STX18: variants seen among roughly 807,000 people sequenced by gnomAD.
The protein encoded by STX18 is syntaxin 18, also known as syntaxin-18.
A neutral mutation model predicts 50.1 loss-of-function variants in STX18; 40 were observed. The observed-to-expected ratio is 0.80, with a 90% confidence interval of 0.62 to 1.04. The LOEUF is 1.04. Among genes scored for constraint, STX18 ranks in the 50% least tolerant of loss-of-function variants. The probability of loss-of-function intolerance (pLI) is 0.00; values close to 1 mark genes in which losing one functional copy is unlikely to be tolerated. For missense variants in STX18, 410 were observed against 415.8 expected, an observed-to-expected ratio of 0.99 and a Z score of 0.12; for synonymous variants, 158 against 151.8, an observed-to-expected ratio of 1.04 and a Z score of -0.30.
intron 5 of STX18, among the ~76,000 whole-genome samples, chr4:4,453,418 C>T (rs1726871334): frequency 6.6e-6 from 1 of 152,202 alleles, no homozygotes; most frequent in Non-Finnish European, 1.5e-5. Context: ...AAAAAGATTA[C>T]AACTCACCTA....
At chr4:4,493,865 G>T (rs1451663306) in intron 1 of STX18, among the ~76,000 whole-genome samples, 1 of 152,202 alleles carries the variant, frequency 6.6e-6, no homozygotes, top group African/African-American at 2.4e-5. Flanking sequence ...AAGAAATTAT[G>T]AAGATACAAC....
At chr4:4,447,843 C>CATT (rs995351935) in intron 5 of STX18, among the ~76,000 whole-genome samples, 4 of 152,154 alleles carry the variant, frequency 2.6e-5, no homozygotes, top group Non-Finnish European at 4.4e-5. Flanking sequence ...AAGCAATATA[C>CATT]ATTTTTTTCC....
At chr4:4,489,554 A>G (rs930894568) in intron 1 of STX18, among the ~76,000 whole-genome samples, 1 of 151,524 alleles carries the variant, frequency 6.6e-6, no homozygotes, top group Non-Finnish European at 1.5e-5. Flanking sequence ...CCGGCCAGAA[A>G]ATATTATTTC....
chr4:4,447,514 C>T lies in STX18; in HGVS notation c.498-9005G>A, dbSNP rs376191839. 1.3e-4 allele frequency among the ~76,000 whole-genome samples: 19 copies of T among 140,900 alleles called. 1 individual carries two copies. In the South Asian group the frequency reaches 1.8e-3, roughly 13 times the overall value. 92.4% of individuals were successfully genotyped at this position (140,900 alleles called of 152,430 possible). On this transcript the variant is annotated intron_variant, in intron 5 of 10. Transcript: ENST00000306200. ...GCTGAGGCAGGAGAATGGCGTGAAC[C>T]CGGGAGGCGGAGCTTGCAGTGAGCC...
chr4:4,533,745 G>A (rs116483046), intron 1 of STX18, among the ~76,000 whole-genome samples: 358 of 152,326 alleles, frequency 2.4e-3, no homozygotes, highest in Middle Eastern at 0.014. Context: ...ACACTGAGAA[G>A]ACGTGTTTCT....
intron 1 of STX18, among the ~76,000 whole-genome samples, chr4:4,497,703 C>T (rs1454863953): frequency 6.6e-6 from 1 of 152,194 alleles, no homozygotes; most frequent in East Asian, 1.9e-4. Flanking sequence ...TAATCTGTCT[C>T]TAGAATCTTT....
chr4:4,476,917 G>A (rs900282109), intron 1 of STX18, among the ~76,000 whole-genome samples: 2 of 151,936 alleles, frequency 1.3e-5, no homozygotes, highest in Admixed American at 1.3e-4. Context: ...AAAAAATCTC[G>A]GGGCTTGGGC....
intron 1 of STX18, among the ~76,000 whole-genome samples, chr4:4,505,840 CTT>C (rs1470414231): frequency 5.3e-5 from 8 of 152,220 alleles, no homozygotes; most frequent in Admixed American, 3.9e-4. Context: ...ATGCTTATCA[CTT>C]TTGCAGCACT....
At chr4:4,538,067 TC>T (rs1731421199) in intron 1 of STX18, among the ~76,000 whole-genome samples, 1 of 150,876 alleles carries the variant, frequency 6.6e-6, no homozygotes, top group Non-Finnish European at 1.5e-5. Context: ...AGTTTTCTTA[TC>T]TATTAACAAA....
chr4:4,464,902 G>GTTTTTTT (rs201963387), intron 2 of STX18, among the ~76,000 whole-genome samples: 2 of 144,236 alleles, frequency 1.4e-5, no homozygotes, highest in South Asian at 4.4e-4. Context: ...TTTTCGAAGC[G>GTTTTTTT]TTTTTTTTTT....
rs1343665959 is a variant in STX18 at position 4,443,097 on chromosome 4, C to T, written c.498-4588G>A. Among the ~76,000 whole-genome samples the T allele has an allele frequency of 5.3e-5, 8 of 152,178 alleles. No individual in the cohort carries two copies. The East Asian group carries it at 1.5e-3, about 29-fold the overall frequency. On this transcript the variant is annotated intron_variant, in intron 5 of 10. Transcript: ENST00000306200. ...GGTGAGAGTACCAAACAGTGTGACT[C>T]CTATGGAGGGGACCTTGGTAATATC...
At position 4,420,082 on chromosome 4, in the gene STX18, G is replaced by C; in HGVS notation, c.960C>G (p.Leu320=). ...AGFRVWILFF[L]VMCSFSLLFL... ...AGAGCAAGGAGAAGGAGCACATCAC[G>C]AGGAAGAAGAGGATCCACACGCGGA... is the stretch of plus-strand genomic sequence containing the variant. Residue 320 remains leucine (L), a synonymous_variant, in exon 11 of 11, where the codon CTC becomes CTG. Transcript: ENST00000306200. This position sits in a 1 kb window ranked among gnomAD's most constrained non-coding sequence, Gnocchi z 4.3. 1 of 1,613,534 alleles carries C rather than the reference G, an allele frequency of 6.2e-7. No homozygotes were observed. The highest frequency in any genetic ancestry group is 1.1e-5 in the South Asian group (1 of 90,918).
intron 2 of STX18, among the ~76,000 whole-genome samples, chr4:4,469,843 G>C (rs974550555): frequency 6.6e-6 from 1 of 152,122 alleles, no homozygotes; most frequent in Non-Finnish European, 1.5e-5. Flanking sequence ...AAGGTGATGA[G>C]GTGAGGAGGA....
intron 5 of STX18, among the ~76,000 whole-genome samples, chr4:4,452,050 C>T (rs993098323): frequency 1.2e-4 from 19 of 152,148 alleles, no homozygotes; most frequent in African/African-American, 4.3e-4. Context: ...AGCAAAACAG[C>T]CTTATTGCCG....
At chr4:4,540,358 CG>C (rs1370430989) in intron 1 of STX18, among the ~76,000 whole-genome samples, 3 of 152,116 alleles carry the variant, frequency 2.0e-5, no homozygotes, top group African/African-American at 7.2e-5. Context: ...TTAAGATCTC[CG>C]CGTCCAATTT....
Position 4,471,634 on chromosome 4 carries a change from C to T in STX18, c.236+5G>A. On this transcript the variant is annotated splice_donor_5th_base_variant and intron_variant, in intron 2 of 10. Transcript: ENST00000306200. ...CAAAGTCCTGGTAAAAAAATATGTA[C>T]TTACCTATAAGCATTAATATAATCT... The T allele has an allele frequency of 1.3e-6, 2 of 1,549,964 alleles. No individual in the cohort carries two copies. The highest frequency in any genetic ancestry group is 2.3e-5 in the East Asian group (1 of 43,644).
chr4:4,479,255 A>G (rs1728344683), intron 1 of STX18, among the ~76,000 whole-genome samples: 1 of 152,236 alleles, frequency 6.6e-6, no homozygotes, highest in South Asian at 2.1e-4. Flanking sequence ...ATGAGAAGAC[A>G]GTAAACTAAC....
chr4:4,501,277 T>C (rs1729445366), intron 1 of STX18, among the ~76,000 whole-genome samples: 1 of 152,162 alleles, frequency 6.6e-6, no homozygotes, highest in Non-Finnish European at 1.5e-5. Context: ...TTCTAAAATA[T>C]AGCCACATTT....
intron 6 of STX18, chr4:4,437,651 G>A: frequency 1.0e-6 from 1 of 984,930 alleles, no homozygotes. Context: ...ACTGCCATGA[G>A]ACTACGGAGA....
Sources: allele counts gnomAD v4.1 joint callset (sites outside exome capture counted in the v4.1 genomes callset), GRCh38; gene constraint gnomAD v4.1.1; non-coding constraint Gnocchi (gnomAD v3.1); transcripts MANE v1.5; gene names NCBI Gene and HGNC (gene_info 2026-07-23, HGNC 2026-07-21).